Variants in CD72 observed in about 807,000 individuals in gnomAD.
The protein encoded by CD72 is CD72 molecule.
A neutral mutation model predicts 50.7 loss-of-function variants in CD72; 28 were observed. The ratio of observed to expected loss-of-function variants is 0.55; its 90% CI spans 0.41 to 0.76. CD72 has a LOEUF of 0.76. CD72 is among the 30% of genes least tolerant of loss of function. CD72 has a pLI of 0.00. For missense variants in CD72, 403 were observed against 420.6 expected, an observed-to-expected ratio of 0.96 and a Z score of 0.37; for synonymous variants, 176 against 171.2, an observed-to-expected ratio of 1.03 and a Z score of -0.22.
At position 35,615,966 on chromosome 9, in the gene CD72, G is replaced by T; in HGVS notation, c.665C>A (p.Pro222His). ...ACCTGCTGAGCCGCATGTGAAGAAG[G>T]GCTTCAGTCTGTTCTCCATGTTGCT... ...KLSNMENRLKPFFTCGSADTC... is the reference protein window; with the variant it reads ...KLSNMENRLKHFFTCGSADTC... The change falls in exon 5 of 9, where the codon CCC becomes CAC. Residue 222 changes from proline to histidine, a missense_variant. Coordinates refer to ENST00000259633, the MANE Select transcript of CD72 (RefSeq NM_001782.3). 5 of 1,613,498 alleles carry T rather than the reference G, an allele frequency of 3.1e-6. No individual in the cohort carries two copies. The highest frequency in any genetic ancestry group is 4.2e-6 in the Non-Finnish European group (5 of 1,179,850).
upstream of CD72, among the ~76,000 whole-genome samples, chr9:35,623,858 G>A (rs1823168648): frequency 6.6e-6 from 1 of 152,060 alleles, no homozygotes; most frequent in East Asian, 1.9e-4. Flanking sequence ...AGCTTGCAGT[G>A]AGCCGAGATT....
intron 5 of CD72, 142 bp from the exon 6 acceptor site, chr9:35,613,135 C>T (rs1563894783): frequency 1.3e-5 from 9 of 678,374 alleles, no homozygotes; most frequent in Non-Finnish European, 2.0e-5. Flanking sequence ...TCTTTTGCAT[C>T]CCCTGGAAAC....
At chr9:35,611,208 A>G (rs1340999902) in intron 7 of CD72, among the ~76,000 whole-genome samples, 1 of 151,166 alleles carries the variant, frequency 6.6e-6, no homozygotes, top group Non-Finnish European at 1.5e-5. Flanking sequence ...CTGAGATTGC[A>G]CCACTGCACT....
upstream of CD72, chr9:35,618,523 A>G (rs116571006): frequency 3.7e-3 from 4,327 of 1,170,458 alleles, 119 homozygotes; most frequent in African/African-American, 0.054. Context: ...CCAGGGCCAG[A>G]GGGGCCACGG....
chr9:35,610,840 C>T, intron 7 of CD72, 87 bp from the exon 8 acceptor site: 2 of 1,075,096 alleles, frequency 1.9e-6, no homozygotes, highest in East Asian at 2.4e-5. Flanking sequence ...AAACCTAAAT[C>T]CTAACTCACC....
intron 1 of CD72, among the ~76,000 whole-genome samples, chr9:35,641,862 C>T (rs10972540): frequency 0.06 from 9,120 of 152,210 alleles, 344 homozygotes; most frequent in Middle Eastern, 0.11. Flanking sequence ...TAATGGCTTC[C>T]AGATGTTTGA....
intron 2 of CD72, 73 bp downstream of exon 2, chr9:35,617,941 A>T (rs2131769096): frequency 1.1e-6 from 1 of 914,232 alleles, no homozygotes; most frequent in African/African-American, 1.6e-5. Context: ...AAGAACAACA[A>T]CAAAAACATT....
chr9:35,641,278 G>A (rs545426384), intron 1 of CD72, among the ~76,000 whole-genome samples: 1 of 152,292 alleles, frequency 6.6e-6, no homozygotes, highest in Non-Finnish European at 1.5e-5. Flanking sequence ...GACTGCATCT[G>A]GGGCTCCATT....
chr9:35,625,430 G>A (rs1176980990), intron 1 of CD72, among the ~76,000 whole-genome samples: 1 of 152,256 alleles, frequency 6.6e-6, no homozygotes, highest in Non-Finnish European at 1.5e-5. Flanking sequence ...GAAGCCAGCA[G>A]AGGTTGGTTC....
Position 35,618,405 on chromosome 9 carries a change from T to A in CD72, c.-102A>T. 1 of 1,569,882 alleles carries A rather than the reference T, an allele frequency of 6.4e-7. No individual in the cohort carries two copies. The highest frequency in any genetic ancestry group is 8.6e-7 in the Non-Finnish European group (1 of 1,158,422). On this transcript the variant is annotated 5_prime_UTR_variant, in exon 1 of 9. Transcript: ENST00000259633. ...TTACAACTAGGCTCTGTGTTCCCTC[T>A]GTGACTGCACGGCTTAGCAATTGGC...
intron 1 of CD72, among the ~76,000 whole-genome samples, chr9:35,625,888 C>A (rs1823193202): frequency 6.6e-6 from 1 of 152,114 alleles, no homozygotes; most frequent in Non-Finnish European, 1.5e-5. Flanking sequence ...ACCATTGACA[C>A]CTACTACTTC....
At chr9:35,634,644 C>G (rs1823273862) in intron 1 of CD72, among the ~76,000 whole-genome samples, 1 of 152,290 alleles carries the variant, frequency 6.6e-6, no homozygotes, top group Non-Finnish European at 1.5e-5. Flanking sequence ...TGAGCCACCG[C>G]GGCTGGCCAA....
intron 1 of CD72, among the ~76,000 whole-genome samples, chr9:35,632,983 T>C (rs1587908026): frequency 6.6e-6 from 1 of 150,546 alleles, no homozygotes; most frequent in Non-Finnish European, 1.5e-5. Context: ...CTGGCTGGAG[T>C]GCAGTGGTGC....
chr9:35,615,920 T>C, intron 5 of CD72, 23 bp downstream of exon 5: 3 of 1,586,686 alleles, frequency 1.9e-6, no homozygotes, highest in Non-Finnish European at 2.6e-6. Flanking sequence ...CCCTCCCTTC[T>C]CTCCTCTCCC....
intron 6 of CD72, among the ~76,000 whole-genome samples, chr9:35,612,635 T>G (rs1213630067): frequency 6.6e-6 from 1 of 152,104 alleles, no homozygotes; most frequent in African/African-American, 2.4e-5. Flanking sequence ...ATGCCAACTC[T>G]AATCAGTTAC....
At chr9:35,614,441 T>G (rs1041101000) in intron 5 of CD72, among the ~76,000 whole-genome samples, 1 of 152,272 alleles carries the variant, frequency 6.6e-6, no homozygotes, top group African/African-American at 2.4e-5. Flanking sequence ...TATGGATATA[T>G]AGACTTGGTG....
chr9:35,615,083 T>C (rs558357509), intron 5 of CD72, among the ~76,000 whole-genome samples: 63 of 152,174 alleles, frequency 4.1e-4, no homozygotes, highest in Non-Finnish European at 7.6e-4. Context: ...TCTGAAACCA[T>C]CCTTTCGCCG....
At chr9:35,637,932 A>T (rs1823305613) in intron 1 of CD72, among the ~76,000 whole-genome samples, 1 of 151,998 alleles carries the variant, frequency 6.6e-6, no homozygotes, top group South Asian at 2.1e-4. Flanking sequence ...CGATTCCCCC[A>T]TCTTTTCCCT....
At chr9:35,618,719 T>C (rs1046366844), upstream of CD72, 10 of 1,217,346 alleles carry the variant, frequency 8.2e-6, no homozygotes, top group African/African-American at 1.6e-5. Context: ...GGGCTTATGA[T>C]GTGTAGCTGG....
Sources: allele counts gnomAD v4.1 joint callset (sites outside exome capture counted in the v4.1 genomes callset), GRCh38; gene constraint gnomAD v4.1.1; transcripts MANE v1.5; gene names NCBI Gene and HGNC (gene_info 2026-07-23, HGNC 2026-07-21).